SYNE2: variants seen among roughly 807,000 people sequenced by gnomAD.
SYNE2 encodes the protein nesprin-2.
In SYNE2, 431 loss-of-function variants were observed where a neutral mutation model predicts 856.3. That is an observed-to-expected ratio of 0.50 (90% CI 0.47 to 0.55). The LOEUF (loss-of-function observed/expected upper bound fraction) is 0.55. Among genes scored for constraint, SYNE2 ranks in the 20% least tolerant of loss-of-function variants. The pLI is 0.00. For synonymous variants in SYNE2, 2,923 were observed against 2,872.3 expected (o/e 1.02, Z -0.56); for missense variants, 8,129 against 8,023.2 (o/e 1.01, Z -0.50).
At chr14:63,981,304 T>C (rs2096583757) in intron 16 of SYNE2, 131 bp downstream of exon 16, 1 of 798,934 alleles carries the variant, frequency 1.3e-6, no homozygotes, top group African/African-American at 1.7e-5. Context: ...TTCAAGGTCT[T>C]GGAAAGAATT....
intron 1 of SYNE2, among the ~76,000 whole-genome samples, chr14:63,835,514 T>C (rs911102678): frequency 6.6e-6 from 1 of 152,092 alleles, no homozygotes; most frequent in Non-Finnish European, 1.5e-5. Flanking sequence ...ATTACAGGCA[T>C]GAACCCTCAT....
chr14:63,814,861 T>C (rs1595137376), intron 1 of SYNE2, among the ~76,000 whole-genome samples: 2 of 113,766 alleles, frequency 1.8e-5, no homozygotes, highest in African/African-American at 6.3e-5. Flanking sequence ...TATCCATATA[T>C]ATCTCTCCAT....
At chr14:63,968,715 A>G (rs2096431494) in intron 11 of SYNE2, among the ~76,000 whole-genome samples, 1 of 152,238 alleles carries the variant, frequency 6.6e-6, no homozygotes, top group African/African-American at 2.4e-5. Context: ...TTTTATGGGT[A>G]CATAGTAGGT....
intron 13 of SYNE2, 31 bp from the exon 14 acceptor site, chr14:63,978,821 G>C: frequency 1.3e-6 from 2 of 1,591,772 alleles, no homozygotes; most frequent in Non-Finnish European, 1.7e-6. Context: ...ATAATATTAA[G>C]TTAAATTCCA....
At chr14:64,193,790 C>G (rs1451259704) in intron 99 of SYNE2, among the ~76,000 whole-genome samples, 2 of 152,118 alleles carry the variant, frequency 1.3e-5, no homozygotes, top group South Asian at 2.1e-4. Context: ...GAGAGGAAAC[C>G]AACATTGCTT....
chr14:63,836,315 C>T (rs537309154), intron 1 of SYNE2, among the ~76,000 whole-genome samples: 2 of 152,134 alleles, frequency 1.3e-5, no homozygotes, highest in African/African-American at 4.8e-5. Context: ...TTAGTCACCA[C>T]ACCCAGGCTT....
chr14:64,128,661 G>A, intron 74 of SYNE2, 108 bp downstream of exon 74: 1 of 742,808 alleles, frequency 1.3e-6, no homozygotes, highest in Non-Finnish European at 2.5e-6. Flanking sequence ...CAAGGCTTAA[G>A]TAAATAAATA....
chr14:63,785,922 A>T (rs1467721097), intron 1 of SYNE2, among the ~76,000 whole-genome samples: 1 of 152,120 alleles, frequency 6.6e-6, no homozygotes, highest in African/African-American at 2.4e-5. Context: ...CCTGGGCATC[A>T]TAGCCATACC....
chr14:63,854,178 T>G (rs1891158778), intron 1 of SYNE2, among the ~76,000 whole-genome samples: 1 of 151,660 alleles, frequency 6.6e-6, no homozygotes. Flanking sequence ...TTTTTTTTTT[T>G]TGAGTTTGTT....
intron 2 of SYNE2, among the ~76,000 whole-genome samples, chr14:63,928,335 G>A (rs555678003): frequency 6.6e-6 from 1 of 152,282 alleles, no homozygotes; most frequent in Non-Finnish European, 1.5e-5. Context: ...TCTTCAGAGG[G>A]GGACATGTGT....
intron 2 of SYNE2, among the ~76,000 whole-genome samples, chr14:63,927,372 A>AC (rs1472477402): frequency 2.0e-5 from 3 of 151,838 alleles, no homozygotes; most frequent in South Asian, 4.2e-4. Flanking sequence ...ACAAAGTGAG[A>AC]CCCCATCTGA....
chr14:63,996,567 C>T (rs1293849563), intron 23 of SYNE2, among the ~76,000 whole-genome samples: 7 of 152,074 alleles, frequency 4.6e-5, no homozygotes, highest in Non-Finnish European at 5.9e-5. Context: ...TCGTGCTTTT[C>T]GTCCTCTTGG....
At chr14:63,984,366 A>G (rs996771775) in intron 18 of SYNE2, among the ~76,000 whole-genome samples, 1 of 152,244 alleles carries the variant, frequency 6.6e-6, no homozygotes, top group Non-Finnish European at 1.5e-5. Context: ...AGTCTTTAGC[A>G]TGAAAGTCTT....
At chr14:63,837,724 G>A (rs754888439) in intron 1 of SYNE2, among the ~76,000 whole-genome samples, 14 of 151,632 alleles carry the variant, frequency 9.2e-5, no homozygotes, top group African/African-American at 1.2e-4. Context: ...AGACCAGCCT[G>A]GGCAATATAG....
In SYNE2 at chr14:64,219,096, GTTT is replaced by G. The variant is rs1214967482; in HGVS notation, c.19658-107_19658-105del. 124 of 758,690 alleles carry G rather than the reference GTTT, an allele frequency of 1.6e-4. No homozygotes were observed. In the African/African-American group the frequency reaches 3.0e-3, roughly 18 times the overall value. The allele number at this position is 758,690 out of a possible 1,614,324, so 47.0% of individuals were successfully genotyped here. On this transcript the variant is annotated intron_variant, in intron 109 of 115. Transcript: ENST00000555002. ...CCTTCTGTCAGGGGAATCCCCTACA[GTTT>G]TTTTGTTTTTTTTTTTTTTTTTTTT...
intron 57 of SYNE2, among the ~76,000 whole-genome samples, chr14:64,087,047 T>C (rs928934142): frequency 6.9e-6 from 1 of 144,732 alleles, no homozygotes; most frequent in Non-Finnish European, 1.5e-5. Context: ...TTAAATTTAT[T>C]CCTAAGTATT....
chr14:64,154,586 A>C (rs1329242576), intron 85 of SYNE2, among the ~76,000 whole-genome samples: 1 of 152,122 alleles, frequency 6.6e-6, no homozygotes, highest in Non-Finnish European at 1.5e-5. Flanking sequence ...TGAATTCAGC[A>C]GTTTAAGACC....
intron 1 of SYNE2, among the ~76,000 whole-genome samples, chr14:63,854,108 G>C (rs1275394647): frequency 6.6e-6 from 1 of 151,538 alleles, no homozygotes; most frequent in Non-Finnish European, 1.5e-5. Flanking sequence ...ACAAGCACCA[G>C]CAAGTCGGAG....
chr14:64,001,142 G>A (rs2096751514), intron 28 of SYNE2, among the ~76,000 whole-genome samples: 1 of 152,070 alleles, frequency 6.6e-6, no homozygotes, highest in Non-Finnish European at 1.5e-5. Context: ...AAAAAACTGA[G>A]GCTCAGAGTC....
Sources: allele counts gnomAD v4.1 joint callset (sites outside exome capture counted in the v4.1 genomes callset), GRCh38; gene constraint gnomAD v4.1.1; transcripts MANE v1.5; gene names NCBI Gene and HGNC (gene_info 2026-07-23, HGNC 2026-07-21).